PPP2R2B: variants seen among roughly 807,000 people sequenced by gnomAD.
PPP2R2B encodes serine/threonine-protein phosphatase 2A 55 kDa regulatory subunit B beta isoform.
A neutral mutation model predicts 46.0 loss-of-function variants in PPP2R2B; 5 were observed. That is an observed-to-expected ratio of 0.11 (90% CI 0.06 to 0.23). The LOEUF (loss-of-function observed/expected upper bound fraction) is 0.23. Among genes scored for constraint, PPP2R2B ranks in the 10% least tolerant of loss-of-function variants. PPP2R2B has a pLI of 1.00. For synonymous variants in PPP2R2B, 215 were observed against 206.7 expected, an observed-to-expected ratio of 1.04 and a Z score of -0.34; for missense variants, 367 against 575.0, an observed-to-expected ratio of 0.64 and a Z score of 3.70.
At position 146,586,603 on chromosome 5, in the gene PPP2R2B, G is replaced by A. The variant is rs568840430; in HGVS notation, c.*3344C>T. ...ATTTCATTGGGCCACTGAGCTAGCA[G>A]AATTTTAGCTTCATCTTTATTCCAC... On this transcript the variant is annotated 3_prime_UTR_variant, in exon 10 of 10. Transcript: ENST00000394411. 6.6e-6 allele frequency: 1 copy of A among 152,326 alleles called. No homozygotes were observed. The highest frequency in any genetic ancestry group is 6.5e-5 in the Admixed American group (1 of 15,302). 9.4% of individuals were successfully genotyped at this position (152,326 alleles called of 1,614,324 possible). A position where few individuals can be genotyped will look rare whatever the true frequency, so the allele number is the denominator to read the frequency against.
chr5:146,807,497 G>A (rs1333016193), intron 2 of PPP2R2B, among the ~76,000 whole-genome samples: 1 of 152,140 alleles, frequency 6.6e-6, no homozygotes, highest in South Asian at 2.1e-4. Context: ...AAAAGATAAT[G>A]TCAAAGTTGC....
At chr5:146,672,926 C>T (rs1331692964) in intron 5 of PPP2R2B, among the ~76,000 whole-genome samples, 6 of 152,154 alleles carry the variant, frequency 3.9e-5, no homozygotes, top group African/African-American at 4.8e-5. Context: ...AACCCAGATC[C>T]TGAGATATGA....
rs892971534 is a variant in PPP2R2B at position 146,584,220 on chromosome 5, T to G, written c.*5727A>C. ...CAGCTGAGGCAGGGATCAGCGGAGA[T>G]GGCAGATCATGATGGTTCTGCCACC... is the stretch of plus-strand genomic sequence containing the variant. On this transcript the variant is annotated 3_prime_UTR_variant, in exon 10 of 10. Transcript: ENST00000394411. The G allele has an allele frequency of 2.6e-5, 4 of 152,390 alleles. No individual in the cohort carries two copies. Among genetic ancestry groups the G allele is most frequent in the Middle Eastern group, 3.4e-3 (1 of 294 alleles). 9.4% of individuals were successfully genotyped at this position (152,390 alleles called of 1,614,324 possible). A position where few individuals can be genotyped will look rare whatever the true frequency, so the allele number is the denominator to read the frequency against.
At chr5:146,598,614 C>A (rs1263165970) in intron 8 of PPP2R2B, among the ~76,000 whole-genome samples, 1 of 152,192 alleles carries the variant, frequency 6.6e-6, no homozygotes, top group Non-Finnish European at 1.5e-5. Flanking sequence ...AACTTGGCAA[C>A]TCTACTTTTC....
intron 7 of PPP2R2B, among the ~76,000 whole-genome samples, chr5:146,624,084 C>T (rs1225379702): frequency 6.6e-6 from 1 of 152,136 alleles, no homozygotes; most frequent in African/African-American, 2.4e-5. Context: ...CAATCATTGT[C>T]AGTGTTTCAG....
intron 7 of PPP2R2B, among the ~76,000 whole-genome samples, chr5:146,608,909 G>A (rs183946927): frequency 6.6e-6 from 1 of 152,172 alleles, no homozygotes; most frequent in Admixed American, 6.5e-5. Flanking sequence ...ATAGAGGAGG[G>A]AATACTTCCA....
intron 5 of PPP2R2B, among the ~76,000 whole-genome samples, chr5:146,678,592 G>A (rs1777908197): frequency 7.3e-6 from 1 of 137,914 alleles, no homozygotes; most frequent in Admixed American, 7.0e-5. Context: ...AGGAAAAGAG[G>A]AAGTCAAATT....
At chr5:146,775,353 G>A (rs1329163464) in intron 2 of PPP2R2B, among the ~76,000 whole-genome samples, 4 of 152,120 alleles carry the variant, frequency 2.6e-5, no homozygotes, top group Non-Finnish European at 5.9e-5. Context: ...AAATCAATGA[G>A]TGTAATATAC....
rs192206421 is a variant in PPP2R2B, at chr5:146,586,171, G to A, written c.*3776C>T. On this transcript the variant is annotated 3_prime_UTR_variant, in exon 10 of 10. Transcript: ENST00000394411. Reference sequence around the variant, plus strand: ...TTCACTTCCAAGATCAGATGAGATCGGGTGCATTCAGGGTGGTATGTCCAA... The same window carrying A: ...TTCACTTCCAAGATCAGATGAGATCAGGTGCATTCAGGGTGGTATGTCCAA... 3.1e-3 allele frequency: 479 copies of A among 152,376 alleles called. 6 individuals carry two copies. The highest frequency in any genetic ancestry group is 2.8e-3 in the Non-Finnish European group (192 of 68,090). 9.4% of individuals were successfully genotyped at this position (152,376 alleles called of 1,614,324 possible). A position where few individuals can be genotyped will look rare whatever the true frequency, so the allele number is the denominator to read the frequency against.
At chr5:146,874,913 C>A (rs751131729) in intron 2 of PPP2R2B, among the ~76,000 whole-genome samples, 1 of 152,158 alleles carries the variant, frequency 6.6e-6, no homozygotes, top group Non-Finnish European at 1.5e-5. Flanking sequence ...ACCCCATACA[C>A]ACACTTCAAA....
intron 1 of PPP2R2B, chr5:146,922,570 A>C (rs1763643553): frequency 6.6e-6 from 1 of 152,222 alleles, no homozygotes; most frequent in African/African-American, 2.4e-5. Flanking sequence ...GTGGCCACTG[A>C]CTTCACAATA....
At chr5:146,861,457 C>T (rs1364955608) in intron 2 of PPP2R2B, among the ~76,000 whole-genome samples, 1 of 152,122 alleles carries the variant, frequency 6.6e-6, no homozygotes, top group Non-Finnish European at 1.5e-5. Flanking sequence ...TCCCAAAGTT[C>T]TGGGATTACA....
chr5:146,971,686 A>G (rs1213894313), intron 1 of PPP2R2B, among the ~76,000 whole-genome samples: 1 of 152,188 alleles, frequency 6.6e-6, no homozygotes, highest in East Asian at 1.9e-4. Flanking sequence ...AAAAGTTCCA[A>G]TTTATACTTC....
rs1389785978 is a variant in PPP2R2B, at chr5:146,778,036, T to G, written c.71-76894A>C. Among the ~76,000 whole-genome samples, 6 of 152,190 alleles carry G rather than the reference T, an allele frequency of 3.9e-5. No individual in the cohort carries two copies. In the East Asian group the frequency reaches 1.2e-3, roughly 29 times the overall value. On this transcript the variant is annotated intron_variant, in intron 2 of 9. Coordinates refer to ENST00000394411, the MANE Select transcript of PPP2R2B (RefSeq NM_181675.4). ...ATGAGGGTCTCAAAGGCCTTCCACT[T>G]TTTAAGAGTTTAAAGTTCTATGAGA...
intron 2 of PPP2R2B, among the ~76,000 whole-genome samples, chr5:146,729,028 AG>A (rs57302140): frequency 0.073 from 11,178 of 152,236 alleles, 778 homozygotes; most frequent in East Asian, 0.38. Context: ...AAAAGTTTGA[AG>A]GGCTCAGAAG....
chr5:146,637,252 T>G (rs1774885226), intron 7 of PPP2R2B, among the ~76,000 whole-genome samples: 1 of 152,212 alleles, frequency 6.6e-6, no homozygotes, highest in Non-Finnish European at 1.5e-5. Context: ...TGAATTGTAG[T>G]CTAGATCAGT....
chr5:146,987,279 A>G (rs1180350394), intron 1 of PPP2R2B, among the ~76,000 whole-genome samples: 4 of 152,120 alleles, frequency 2.6e-5, no homozygotes, highest in African/African-American at 7.2e-5. Flanking sequence ...TGAAGGAAAA[A>G]GACACATGTG....
intron 1 of PPP2R2B, among the ~76,000 whole-genome samples, chr5:147,023,834 A>AG (rs1755397257): frequency 6.6e-6 from 1 of 152,034 alleles, no homozygotes; most frequent in African/African-American, 2.4e-5. Context: ...GGGCCCAGAC[A>AG]GAAAAAAAAA....
At chr5:146,902,431 C>T (rs1404654211) in intron 1 of PPP2R2B, among the ~76,000 whole-genome samples, 3 of 152,100 alleles carry the variant, frequency 2.0e-5, no homozygotes, top group African/African-American at 7.2e-5. Flanking sequence ...AATAATATTG[C>T]TACTACCCAC....
Sources: gnomAD v4.1 joint callset for allele counts (sites outside exome capture counted in the v4.1 genomes callset) on GRCh38, gnomAD v4.1.1 for gene constraint, MANE v1.5 for transcripts, NCBI Gene and HGNC (gene_info 2026-07-23, HGNC 2026-07-21) for gene names.